Variants in ANAPC1 observed in about 807,000 individuals in gnomAD.
ANAPC1 encodes the protein anaphase-promoting complex subunit 1.
A neutral mutation model predicts 208.0 loss-of-function variants in ANAPC1; 36 were observed. That is an observed-to-expected ratio of 0.17 (90% confidence interval 0.13 to 0.23). The LOEUF is 0.23. ANAPC1 is among the 10% of genes least tolerant of loss of function. The pLI is 1.00. For synonymous variants in ANAPC1, 378 were observed against 695.2 expected, an observed-to-expected ratio of 0.54 and a Z score of 7.18; for missense variants, 942 against 2,011.6, an observed-to-expected ratio of 0.47 and a Z score of 10.17.
In ANAPC1 at chr2:111,880,862, A is replaced by C. The variant is rs878884759; in HGVS notation, c.-24-13T>G. 8.7e-6 allele frequency: 14 copies of C among 1,603,948 alleles called. No homozygotes were observed. In the East Asian group the frequency reaches 3.1e-4, roughly 36 times the overall value. Reference sequence around the variant, plus strand: ...ATCAACATTATTTCTGTATGAATTCAAACACATTCTGGTCAGCTTCCAGAC... The same window carrying C: ...ATCAACATTATTTCTGTATGAATTCCAACACATTCTGGTCAGCTTCCAGAC... On this transcript the variant is annotated splice_polypyrimidine_tract_variant and intron_variant, in intron 1 of 47. Coordinates refer to ENST00000341068, the MANE Select transcript of ANAPC1 (RefSeq NM_022662.4).
intron 38 of ANAPC1, among the ~76,000 whole-genome samples, chr2:111,789,019 T>G (rs2104517346): frequency 6.6e-6 from 1 of 152,344 alleles, no homozygotes; most frequent in African/African-American, 2.4e-5. Flanking sequence ...GCGCCTATAG[T>G]CCCAGCTACT....
intron 21 of ANAPC1, among the ~76,000 whole-genome samples, chr2:111,829,006 G>A (rs773239052): frequency 2.0e-5 from 3 of 152,186 alleles, no homozygotes; most frequent in Admixed American, 1.3e-4. Context: ...CCTGATGTCA[G>A]GAGTTCAAGA....
At chr2:111,774,074 T>C (rs1427107066) in intron 46 of ANAPC1, among the ~76,000 whole-genome samples, 12 of 151,978 alleles carry the variant, frequency 7.9e-5, no homozygotes, top group African/African-American at 2.7e-4. Flanking sequence ...TAGGTAGAAA[T>C]AGTAAAATGT....
intron 17 of ANAPC1, 149 bp from the exon 18 acceptor site, chr2:111,838,661 T>G: frequency 3.4e-6 from 2 of 593,268 alleles, no homozygotes; most frequent in Non-Finnish European, 5.9e-6. Flanking sequence ...AGGCATTATT[T>G]AAATATCTTT....
At chr2:111,810,307 G>GA (rs201578686) in intron 28 of ANAPC1, among the ~76,000 whole-genome samples, 25,680 of 148,718 alleles carry the variant, frequency 0.17, 2,596 homozygotes, top group Middle Eastern at 0.28. Context: ...GAAGGTGGGG[G>GA]GGGGTGAGGT....
At chr2:111,858,542 C>G (rs1243456580) in intron 10 of ANAPC1, 141 bp from the exon 11 acceptor site, 2 of 481,870 alleles carry the variant, frequency 4.2e-6, no homozygotes, top group Admixed American at 3.3e-5. Context: ...GGGCAGATCA[C>G]GAGGTCAGGA....
chr2:111,849,869 A>G (rs1681294367), intron 14 of ANAPC1, among the ~76,000 whole-genome samples: 1 of 151,604 alleles, frequency 6.6e-6, no homozygotes, highest in Admixed American at 6.6e-5. Context: ...CTCCTTTCTC[A>G]AAATCCTGTA....
chr2:111,846,534 C>T (rs80347714), intron 16 of ANAPC1, among the ~76,000 whole-genome samples: 15 of 68,280 alleles, frequency 2.2e-4, no homozygotes, highest in South Asian at 1.7e-3. Flanking sequence ...TATACATATA[C>T]ATATATATAT....
At chr2:111,782,880 T>A (rs1377317491) in intron 42 of ANAPC1, among the ~76,000 whole-genome samples, 1 of 152,148 alleles carries the variant, frequency 6.6e-6, no homozygotes. Context: ...AAGAAAATAA[T>A]GCTGCAAATC....
At chr2:111,773,204 A>T (rs1676838958) in intron 46 of ANAPC1, among the ~76,000 whole-genome samples, 2 of 151,930 alleles carry the variant, frequency 1.3e-5, no homozygotes, top group African/African-American at 4.8e-5. Context: ...AAACCTGAGG[A>T]GGTACTTAAT....
intron 13 of ANAPC1, 66 bp downstream of exon 13, chr2:111,856,548 A>G: frequency 1.4e-6 from 2 of 1,432,206 alleles, no homozygotes; most frequent in African/African-American, 1.4e-5. Flanking sequence ...CTAAAGTAAC[A>G]TTACAAATAT....
At chr2:111,805,320 T>A (rs1227101094) in intron 30 of ANAPC1, among the ~76,000 whole-genome samples, 1 of 131,564 alleles carries the variant, frequency 7.6e-6, no homozygotes, top group African/African-American at 3.0e-5. Context: ...TTGGATGGAG[T>A]TAAAGATGGG....
chr2:111,826,824 C>G (rs1223197756), intron 21 of ANAPC1, among the ~76,000 whole-genome samples: 6 of 152,048 alleles, frequency 3.9e-5, no homozygotes, highest in Non-Finnish European at 7.4e-5. Context: ...CCACGCCCAG[C>G]TAATTTTTGT....
intron 17 of ANAPC1, among the ~76,000 whole-genome samples, chr2:111,842,536 G>A (rs533531538): frequency 2.2e-4 from 34 of 151,980 alleles, no homozygotes; most frequent in Admixed American, 7.2e-4. Context: ...CTGGCTACTC[G>A]GGAGGCTGAG....
rs1183612859 is a variant in ANAPC1, at chr2:111,804,506, C to CTTTT, written c.3925-671_3925-668dup. On this transcript the variant is annotated intron_variant, in intron 30 of 47. Coordinates refer to ENST00000341068, the MANE Select transcript of ANAPC1 (RefSeq NM_022662.4). ...TTGCAATTCCCTGTGTGATTCTTTT[C>CTTTT]TTTTTTTTTTTTTTTTTTTGAGACG... Among the ~76,000 whole-genome samples the CTTTT allele has an allele frequency of 3.8e-5, 3 of 77,970 alleles. 1 individual carries two copies. The highest frequency in any genetic ancestry group is 9.0e-5 in the African/African-American group (2 of 22,212). The allele number at this position is 77,970 out of a possible 152,430, so 51.2% of individuals were successfully genotyped here. A position where few individuals can be genotyped will look rare whatever the true frequency, so the allele number is the denominator to read the frequency against.
At position 111,851,832 on chromosome 2, in the gene ANAPC1, G is replaced by A. The variant is rs566039036; in HGVS notation, c.1516-922C>T. ...TCTCAAAAAAAAAAAAGAATGAGTT[G>A]ACAATCCGTGCTAACCACTCCTTAT... is the stretch of plus-strand genomic sequence containing the variant. On this transcript the variant is annotated intron_variant, in intron 13 of 47. Transcript: ENST00000341068. 2.3e-4 allele frequency among the ~76,000 whole-genome samples: 35 copies of A among 150,554 alleles called. No homozygotes were observed. In the East Asian group the frequency reaches 6.6e-3, roughly 28 times the overall value.
chr2:111,806,849 A>C (rs78500158), intron 29 of ANAPC1, among the ~76,000 whole-genome samples: 33,193 of 149,512 alleles, frequency 0.22, 3,849 homozygotes, highest in Middle Eastern at 0.36. Context: ...CCTCTGAAAA[A>C]ATGTTCACAT....
chr2:111,874,766 C>T (rs1682934897), intron 3 of ANAPC1, among the ~76,000 whole-genome samples: 1 of 152,158 alleles, frequency 6.6e-6, no homozygotes, highest in African/African-American at 2.4e-5. Context: ...GTTCTCAATT[C>T]AATTGTGCAT....
intron 25 of ANAPC1, 113 bp from the exon 26 acceptor site, chr2:111,821,566 T>A: frequency 2.5e-6 from 3 of 1,223,244 alleles, no homozygotes; most frequent in Non-Finnish European, 3.5e-6. Context: ...AGAGAAAATA[T>A]GTTTTCCAAA....
Sources: allele counts gnomAD v4.1 joint callset (sites outside exome capture counted in the v4.1 genomes callset), GRCh38; gene constraint gnomAD v4.1.1; transcripts MANE v1.5; gene names NCBI Gene and HGNC (gene_info 2026-07-23, HGNC 2026-07-21).